The following MCTP2 variants were observed in gnomAD, a reference collection of about 807,000 sequenced individuals.
The protein encoded by MCTP2 is multiple C2 and transmembrane domain containing 2, also known as multiple C2 and transmembrane domain-containing protein 2.
A neutral mutation model predicts 111.6 loss-of-function variants in MCTP2; 132 were observed. The observed-to-expected ratio is 1.18, with a 90% CI of 1.03 to 1.37. The LOEUF is 1.37. Among genes scored for constraint, MCTP2 ranks in the 40% most tolerant of loss-of-function variants. The pLI is 0.00. For missense variants in MCTP2, 1,183 were observed against 1,067.9 expected, an observed-to-expected ratio of 1.11 and a Z score of -1.50; for synonymous variants, 395 against 387.7, an observed-to-expected ratio of 1.02 and a Z score of -0.22.
chr15:94,280,848 C>T (rs1259894281), intron 1 of MCTP2, among the ~76,000 whole-genome samples: 1 of 152,096 alleles, frequency 6.6e-6, no homozygotes, highest in East Asian at 1.9e-4. Context: ...ATTATTTACC[C>T]AAAAATCATT....
At chr15:94,386,992 G>A (rs1264482426) in intron 14 of MCTP2, among the ~76,000 whole-genome samples, 2 of 152,084 alleles carry the variant, frequency 1.3e-5, no homozygotes, top group African/African-American at 4.8e-5. Flanking sequence ...GTCAAAGTGT[G>A]TGGTGGCTGG....
chr15:94,307,323 G>C (rs1464347025), intron 2 of MCTP2, among the ~76,000 whole-genome samples: 3 of 152,132 alleles, frequency 2.0e-5, no homozygotes, highest in African/African-American at 7.2e-5. Context: ...GACCTCTTCC[G>C]AGAAGATAAC....
intron 12 of MCTP2, among the ~76,000 whole-genome samples, chr15:94,383,034 A>G (rs780252993): frequency 6.6e-6 from 1 of 151,242 alleles, no homozygotes; most frequent in Non-Finnish European, 1.5e-5. Flanking sequence ...AGAGGTGAGA[A>G]GTGAAAGATG....
At chr15:94,431,828 T>A (rs951878772) in intron 17 of MCTP2, among the ~76,000 whole-genome samples, 5 of 152,158 alleles carry the variant, frequency 3.3e-5, no homozygotes, top group East Asian at 1.9e-4. Flanking sequence ...TTCATAAAGA[T>A]GGTATGATTA....
chr15:94,268,212 G>A (rs1190927681), intron 1 of MCTP2, among the ~76,000 whole-genome samples: 10 of 124,952 alleles, frequency 8.0e-5, no homozygotes, highest in South Asian at 2.5e-4. Flanking sequence ...ACAGAGTTTC[G>A]CTCTTGTCAC....
At chr15:94,394,764 CAAAG>C (rs2081195338) in intron 14 of MCTP2, among the ~76,000 whole-genome samples, 3 of 150,726 alleles carry the variant, frequency 2.0e-5, no homozygotes, top group African/African-American at 4.9e-5. Flanking sequence ...GACTCCATCT[CAAAG>C]AAAGAAAAAA....
intron 1 of MCTP2, among the ~76,000 whole-genome samples, chr15:94,253,919 C>T (rs192793377): frequency 4.6e-5 from 7 of 152,166 alleles, no homozygotes; most frequent in Admixed American, 4.6e-4. Flanking sequence ...CTGCTTTTTA[C>T]ATGATCCTTG....
rs2074671325 is a variant in MCTP2, at chr15:94,480,438, T to C, written c.*1404T>C. 1 of 152,196 alleles carries C rather than the reference T, an allele frequency of 6.6e-6. No homozygotes were observed. The highest frequency in any genetic ancestry group is 2.1e-4 in the South Asian group (1 of 4,828). 9.4% of individuals were successfully genotyped at this position (152,196 alleles called of 1,614,324 possible). ...TGTCTGTTTTTCTTCATGTTGTATC[T>C]CACTGGGTTGCTTTCTGGCTGAGCC... is the stretch of plus-strand genomic sequence containing the variant. On this transcript the variant is annotated 3_prime_UTR_variant, in exon 23 of 23. Coordinates refer to ENST00000357742, the MANE Select transcript of MCTP2 (RefSeq NM_001385001.1).
intron 20 of MCTP2, among the ~76,000 whole-genome samples, chr15:94,462,615 G>A (rs1271373770): frequency 1.3e-5 from 2 of 152,202 alleles, no homozygotes; most frequent in South Asian, 2.1e-4. Flanking sequence ...GGAATGTTCA[G>A]CTAGATTACA....
At chr15:94,244,810 A>G (rs1278885540) in intron 1 of MCTP2, among the ~76,000 whole-genome samples, 1 of 147,414 alleles carries the variant, frequency 6.8e-6, no homozygotes, top group African/African-American at 2.5e-5. Context: ...TTATATACGT[A>G]TATGTATACA....
chr15:94,346,656 G>T (rs1012055333), intron 8 of MCTP2, among the ~76,000 whole-genome samples: 8 of 152,174 alleles, frequency 5.3e-5, no homozygotes, highest in African/African-American at 1.9e-4. Context: ...GGGAGCTTTG[G>T]TCTGTGGAAG....
intron 13 of MCTP2, among the ~76,000 whole-genome samples, chr15:94,384,993 C>T (rs1161481703): frequency 6.6e-6 from 1 of 152,118 alleles, no homozygotes; most frequent in African/African-American, 2.4e-5. Context: ...GGTTTCTAAG[C>T]ATTTCAGGAA....
rs79323962 is a variant in MCTP2 at position 94,411,454 on chromosome 15, G to A, written c.2085+9435G>A. On this transcript the variant is annotated intron_variant, in intron 17 of 22. Coordinates refer to ENST00000357742, the MANE Select transcript of MCTP2 (RefSeq NM_001385001.1). ...GAGGGCCCTTTTATTGCTGTGTGAT[G>A]TGGGCGTGCTTGCTGGGGTAGCCTG... Among the ~76,000 whole-genome samples, 203 of 152,296 alleles carry A rather than the reference G, an allele frequency of 1.3e-3. 5 individuals carry two copies. In the East Asian group the frequency reaches 0.033, roughly 25 times the overall value.
chr15:94,459,110 A>C (rs2085028783), intron 20 of MCTP2, among the ~76,000 whole-genome samples: 1 of 152,050 alleles, frequency 6.6e-6, no homozygotes, highest in African/African-American at 2.4e-5. Flanking sequence ...AAGGTTTTTA[A>C]TTTTTTTCCT....
intron 1 of MCTP2, among the ~76,000 whole-genome samples, chr15:94,287,216 C>T (rs544796799): frequency 1.7e-4 from 24 of 144,236 alleles, no homozygotes; most frequent in African/African-American, 4.6e-4. Context: ...AGAGACCAAG[C>T]GTACATTACG....
intron 1 of MCTP2, among the ~76,000 whole-genome samples, chr15:94,272,162 G>A (rs2073938487): frequency 6.6e-6 from 1 of 152,226 alleles, no homozygotes; most frequent in South Asian, 2.1e-4. Flanking sequence ...TCAATTATGT[G>A]AAGAAGTGAA....
intron 1 of MCTP2, among the ~76,000 whole-genome samples, chr15:94,267,980 C>T (rs1204108075): frequency 6.8e-6 from 1 of 146,764 alleles, no homozygotes; most frequent in African/African-American, 2.5e-5. Flanking sequence ...ATTCTCCTGC[C>T]TCAGCCTCCC....
chr15:94,267,042 A>G (rs2073576868), intron 1 of MCTP2, among the ~76,000 whole-genome samples: 1 of 152,228 alleles, frequency 6.6e-6, no homozygotes, highest in African/African-American at 2.4e-5. Flanking sequence ...TGTAACTGAA[A>G]TCCAGTTGAT....
intron 1 of MCTP2, among the ~76,000 whole-genome samples, chr15:94,297,666 T>C (rs1247045894): frequency 6.6e-6 from 1 of 152,198 alleles, no homozygotes; most frequent in Non-Finnish European, 1.5e-5. Context: ...AGCCACATTC[T>C]TTCATTTAGG....
Sources: allele counts gnomAD v4.1 joint callset (sites outside exome capture counted in the v4.1 genomes callset), GRCh38; gene constraint gnomAD v4.1.1; transcripts MANE v1.5; gene names NCBI Gene and HGNC (gene_info 2026-07-23, HGNC 2026-07-21).